Variants in THSD7A observed in about 807,000 individuals in gnomAD.
The protein encoded by THSD7A is thrombospondin type 1 domain containing 7A.
THSD7A carries 96 observed loss-of-function variants against 231.3 expected under a neutral mutation model. The observed-to-expected ratio is 0.41, with a 90% CI of 0.35 to 0.49. The LOEUF (loss-of-function observed/expected upper bound fraction) is 0.49, where lower values mean the gene tolerates loss of function less well. Ranked by LOEUF, THSD7A falls within the 20% of genes least tolerant of loss-of-function variation. THSD7A has a pLI of 0.05. For synonymous variants in THSD7A, 940 were observed against 743.3 expected (o/e 1.26, Z -4.30); for missense variants, 2,290 against 2,070.2 (o/e 1.11, Z -2.06).
intron 2 of THSD7A, among the ~76,000 whole-genome samples, chr7:11,612,815 C>A (rs1190805472): frequency 1.3e-5 from 2 of 152,140 alleles, no homozygotes; most frequent in Non-Finnish European, 2.9e-5. Context: ...GTGGTTAACT[C>A]TTAGTTGCCT....
At chr7:11,758,033 AT>A (rs1782740590) in intron 1 of THSD7A, among the ~76,000 whole-genome samples, 2 of 136,510 alleles carry the variant, frequency 1.5e-5, no homozygotes, top group African/African-American at 2.8e-5. Context: ...ATATATATAT[AT>A]ATATAATGTT....
intron 1 of THSD7A, among the ~76,000 whole-genome samples, chr7:11,793,177 TA>T (rs1353106520): frequency 6.6e-6 from 1 of 150,826 alleles, no homozygotes; most frequent in East Asian, 1.9e-4. Flanking sequence ...TTAAAAGGGG[TA>T]AAAAAATAAA....
intron 16 of THSD7A, among the ~76,000 whole-genome samples, chr7:11,418,626 A>G (rs367949050): frequency 1.5e-4 from 23 of 152,310 alleles, no homozygotes; most frequent in African/African-American, 5.1e-4. Context: ...TGGAATCCCA[A>G]CTTTTATCAG....
intron 1 of THSD7A, among the ~76,000 whole-genome samples, chr7:11,710,257 C>G (rs1353805354): frequency 1.5e-5 from 2 of 131,330 alleles, no homozygotes; most frequent in African/African-American, 6.3e-5. Context: ...ATAAATTAAA[C>G]ACACTTTACA....
chr7:11,609,026 A>C (rs1306771806), intron 2 of THSD7A, among the ~76,000 whole-genome samples: 1 of 152,196 alleles, frequency 6.6e-6, no homozygotes, highest in Non-Finnish European at 1.5e-5. Context: ...TCTATGTGTC[A>C]TCACAGGTTT....
intron 1 of THSD7A, among the ~76,000 whole-genome samples, chr7:11,668,154 G>C (rs758238933): frequency 1.2e-4 from 19 of 152,122 alleles, no homozygotes; most frequent in Non-Finnish European, 2.2e-4. Context: ...GAAATGGAAG[G>C]CCGGGCATGG....
intron 1 of THSD7A, among the ~76,000 whole-genome samples, chr7:11,686,854 T>C (rs1052676781): frequency 2.0e-5 from 3 of 151,750 alleles, no homozygotes; most frequent in African/African-American, 7.3e-5. Flanking sequence ...GTTGGAAATG[T>C]TACAATTGGG....
At chr7:11,603,953 C>G (rs575932096) in intron 2 of THSD7A, among the ~76,000 whole-genome samples, 4 of 151,150 alleles carry the variant, frequency 2.6e-5, no homozygotes, top group African/African-American at 9.7e-5. Flanking sequence ...GGGTGCAGTG[C>G]ACCAGCATGG....
rs1362790421 is a variant in THSD7A, at chr7:11,634,715, C to A, written c.1022+1415G>T. Among the ~76,000 whole-genome samples, 1 of 151,814 alleles carries A rather than the reference C, an allele frequency of 6.6e-6. No homozygotes were observed. Among genetic ancestry groups the A allele is most frequent in the South Asian group, 2.1e-4 (1 of 4,816 alleles). On this transcript the variant is annotated intron_variant, in intron 2 of 27. Transcript: ENST00000423059. The surrounding 1 kb of genome is among the most constrained non-coding windows in gnomAD (Gnocchi z 4.1). ...GACCAGAACTAGAATGGAAAAAGGGCAAATTACCGTACAGCTGAAATAAAA... is the reference window on the plus strand; with the variant it reads ...GACCAGAACTAGAATGGAAAAAGGGAAAATTACCGTACAGCTGAAATAAAA...
intron 1 of THSD7A, among the ~76,000 whole-genome samples, chr7:11,783,427 A>G (rs561897934): frequency 4.0e-4 from 61 of 152,278 alleles, no homozygotes; most frequent in African/African-American, 1.5e-3. Flanking sequence ...CTCTCTCACC[A>G]TTGTAAAGTC....
chr7:11,541,091 T>G (rs894376535), intron 6 of THSD7A, among the ~76,000 whole-genome samples: 1 of 152,204 alleles, frequency 6.6e-6, no homozygotes, highest in Non-Finnish European at 1.5e-5. Context: ...TTTAAAAAAG[T>G]CACTTAAAAA....
At chr7:11,777,859 G>C (rs1191482376) in intron 1 of THSD7A, among the ~76,000 whole-genome samples, 1 of 151,980 alleles carries the variant, frequency 6.6e-6, no homozygotes, top group African/African-American at 2.4e-5. Flanking sequence ...TCTACAGAAA[G>C]AAAGCCCTGG....
intron 22 of THSD7A, among the ~76,000 whole-genome samples, chr7:11,404,042 G>C (rs922342136): frequency 6.6e-6 from 1 of 152,036 alleles, no homozygotes; most frequent in Non-Finnish European, 1.5e-5. Flanking sequence ...CAGCCTCCTA[G>C]ATTTGCAATT....
At chr7:11,424,313 G>C (rs192602297) in intron 16 of THSD7A, among the ~76,000 whole-genome samples, 1 of 152,294 alleles carries the variant, frequency 6.6e-6, no homozygotes, top group East Asian at 1.9e-4. Context: ...TGGACAACAG[G>C]ATAGTATTCA....
rs1783161217 is a variant in THSD7A, at chr7:11,769,649, C to G, written c.190+62108G>C. ...CTTTTCCCCATGTAATTTTGTCTCA[C>G]CTGATTTATTAATGTTGGCTAATAG... On this transcript the variant is annotated intron_variant, in intron 1 of 27. Transcript: ENST00000423059. Among the ~76,000 whole-genome samples, 4 of 152,162 alleles carry G rather than the reference C, an allele frequency of 2.6e-5. No homozygotes were observed. In the South Asian group the frequency reaches 6.2e-4, roughly 24 times the overall value.
At chr7:11,677,281 A>C (rs190287787) in intron 1 of THSD7A, among the ~76,000 whole-genome samples, 5 of 152,198 alleles carry the variant, frequency 3.3e-5, no homozygotes, top group Admixed American at 6.5e-5. Flanking sequence ...GAAATATGGA[A>C]AGGAAAAACT....
At chr7:11,774,211 T>C (rs933365893) in intron 1 of THSD7A, among the ~76,000 whole-genome samples, 2 of 152,122 alleles carry the variant, frequency 1.3e-5, no homozygotes, top group African/African-American at 4.8e-5. Context: ...TGGAAAACCT[T>C]AGGCTAAATG....
At chr7:11,407,113 ATC>A (rs1783611555) in intron 20 of THSD7A, 58 bp from the exon 21 acceptor site, 1 of 1,590,036 alleles carries the variant, frequency 6.3e-7, no homozygotes, top group African/African-American at 1.3e-5. Context: ...GCAAGCATAT[ATC>A]TCATTGGGAG....
intron 4 of THSD7A, among the ~76,000 whole-genome samples, chr7:11,551,437 A>G (rs1247695196): frequency 6.6e-6 from 1 of 152,176 alleles, no homozygotes; most frequent in African/African-American, 2.4e-5. Flanking sequence ...AAATATTGCA[A>G]AGTATGCATC....
Sources: allele counts gnomAD v4.1 joint callset (sites outside exome capture counted in the v4.1 genomes callset), GRCh38; gene constraint gnomAD v4.1.1; non-coding constraint Gnocchi (gnomAD v3.1); transcripts MANE v1.5; gene names NCBI Gene and HGNC (gene_info 2026-07-23, HGNC 2026-07-21).